The following DMXL1 variants were observed in gnomAD, a reference collection of about 807,000 sequenced individuals.
DMXL1 encodes dmX-like protein 1.
DMXL1 carries 99 observed loss-of-function variants against 319.2 expected under a neutral mutation model. That is an observed-to-expected ratio of 0.31 (90% CI 0.26 to 0.37). The LOEUF (loss-of-function observed/expected upper bound fraction) is 0.37, where lower values mean the gene tolerates loss of function less well. Among genes scored for constraint, DMXL1 ranks in the 10% least tolerant of loss-of-function variants. The pLI is 1.00. For synonymous variants in DMXL1, 1,385 were observed against 1,235.2 expected, an observed-to-expected ratio of 1.12 and a Z score of -2.54; for missense variants, 3,745 against 3,595.6, an observed-to-expected ratio of 1.04 and a Z score of -1.06.
chr5:119,216,313 G>T (rs1237189262), intron 34 of DMXL1, among the ~76,000 whole-genome samples: 2 of 151,926 alleles, frequency 1.3e-5, no homozygotes, highest in East Asian at 3.9e-4. Flanking sequence ...TTAGAATGGT[G>T]GTTTATTTAG....
intron 14 of DMXL1, 32 bp downstream of exon 14, chr5:119,143,962 A>T (rs1767975094): frequency 4.4e-6 from 6 of 1,354,886 alleles, no homozygotes; most frequent in Non-Finnish European, 6.1e-6. Context: ...GAGGTATATT[A>T]AAAAAAAGTT....
intron 38 of DMXL1, among the ~76,000 whole-genome samples, chr5:119,233,081 C>T (rs989971799): frequency 6.6e-6 from 1 of 151,764 alleles, no homozygotes; most frequent in Admixed American, 6.6e-5. Flanking sequence ...ATTGAGATAA[C>T]TTTAAAGGGA....
chr5:119,108,333 C>T (rs1216350833), intron 4 of DMXL1, among the ~76,000 whole-genome samples: 1 of 152,208 alleles, frequency 6.6e-6, no homozygotes, highest in African/African-American at 2.4e-5. Flanking sequence ...GCACGGCCTT[C>T]TACTTAATTC....
At chr5:119,179,565 G>A (rs1776437767) in intron 28 of DMXL1, among the ~76,000 whole-genome samples, 1 of 152,080 alleles carries the variant, frequency 6.6e-6, no homozygotes, top group African/African-American at 2.4e-5. Context: ...CATGATTGAT[G>A]AATATTCTTT....
Position 119,121,015 on chromosome 5 carries a change from T to G in DMXL1, c.978T>G (p.Ala326=), listed in dbSNP as rs370712280. 1 of 1,613,430 alleles carries G rather than the reference T, an allele frequency of 6.2e-7. No homozygotes were observed. The highest frequency in any genetic ancestry group is 1.3e-5 in the African/African-American group (1 of 74,898). The change falls in exon 9 of 44, where the codon GCT becomes GCG. Residue 326 remains alanine, a synonymous_variant. Coordinates refer to ENST00000539542, the MANE Select transcript of DMXL1 (RefSeq NM_001290321.3). ...GTAGAGGTCGGAGGAGATCACTTGC[T>G]CTTGTAGCACATACGGGATATCTAC... is the stretch of plus-strand genomic sequence containing the variant. ...HFRRGRRRSL[A]LVAHTGYLPH... is the part of the protein sequence containing the mutation.
At chr5:119,105,684 T>C (rs1279056300) in intron 4 of DMXL1, among the ~76,000 whole-genome samples, 2 of 151,878 alleles carry the variant, frequency 1.3e-5, no homozygotes, top group African/African-American at 4.8e-5. Flanking sequence ...TCACCTGAGG[T>C]TGGGAGTTCA....
At chr5:119,204,120 C>T (rs1207714954) in intron 33 of DMXL1, among the ~76,000 whole-genome samples, 3 of 151,934 alleles carry the variant, frequency 2.0e-5, no homozygotes, top group African/African-American at 7.3e-5. Context: ...CCACGCCCGG[C>T]CTGAAAAATT....
chr5:119,118,879 A>G lies in DMXL1; in HGVS notation c.808A>G (p.Thr270Ala). The G allele has an allele frequency of 6.2e-7, 1 of 1,613,926 alleles. No homozygotes were observed. Among genetic ancestry groups the G allele is most frequent in the East Asian group, 2.2e-5 (1 of 44,850 alleles). Residue 270 changes from threonine to alanine, a missense_variant, in exon 8 of 44, where the codon ACA (threonine) becomes GCA (alanine). Thr to Ala is a moderately conservative substitution (Grantham distance 58). Transcript: ENST00000539542. Reference sequence around the variant, plus strand: ...TAATGTGTGTCGTCTTTGGGTAGAGACATTTTTACCAAATGATTGTTTGCT... The same window carrying G: ...TAATGTGTGTCGTCTTTGGGTAGAGGCATTTTTACCAAATGATTGTTTGCT... ...KDNVCRLWVE[T>A]FLPNDCLLYG...
At chr5:119,240,547 G>A in intron 42 of DMXL1, 76 bp downstream of exon 42, 3 of 1,060,586 alleles carry the variant, frequency 2.8e-6, no homozygotes, top group Non-Finnish European at 1.4e-6. Context: ...AAGTGGATTT[G>A]TTACTGATGA....
At chr5:119,175,362 A>C (rs1775596949) in intron 26 of DMXL1, 25 bp downstream of exon 26, 2 of 1,539,882 alleles carry the variant, frequency 1.3e-6, no homozygotes, top group African/African-American at 2.7e-5. Flanking sequence ...ATGAAATTTA[A>C]GAATGCTTAC....
intron 40 of DMXL1, among the ~76,000 whole-genome samples, chr5:119,238,030 A>C (rs900621589): frequency 9.2e-5 from 14 of 152,140 alleles, no homozygotes; most frequent in Admixed American, 5.9e-4. Flanking sequence ...TACTGATCTA[A>C]GTAAAAGCAA....
At chr5:119,150,696 G>A (rs1769584518) in intron 18 of DMXL1, among the ~76,000 whole-genome samples, 1 of 151,830 alleles carries the variant, frequency 6.6e-6, no homozygotes, top group African/African-American at 2.4e-5. Context: ...GGAGGCTGAG[G>A]TGGGATGATG....
At chr5:119,143,021 A>C (rs1222085533) in intron 13 of DMXL1, among the ~76,000 whole-genome samples, 2 of 152,094 alleles carry the variant, frequency 1.3e-5, no homozygotes, top group Non-Finnish European at 2.9e-5. Flanking sequence ...TGGGAGCTAA[A>C]TAATGAGAAC....
chr5:119,118,302 A>T (rs888206570), intron 7 of DMXL1, among the ~76,000 whole-genome samples: 1 of 152,222 alleles, frequency 6.6e-6, no homozygotes, highest in Non-Finnish European at 1.5e-5. Flanking sequence ...AGGTGCCTTT[A>T]TAGGAAGTAG....
chr5:119,127,289 C>G (rs1361992327), intron 9 of DMXL1: 14 of 222,372 alleles, frequency 6.3e-5, no homozygotes, highest in Non-Finnish European at 9.5e-5. Context: ...GACTCTCTTG[C>G]CATTAACTTC....
rs778747389 is a variant in DMXL1, at chr5:119,150,033, T to A, written c.4206T>A (p.Ser1402=). 31 of 1,613,868 alleles carry A rather than the reference T, an allele frequency of 1.9e-5. No individual in the cohort carries two copies. In the Admixed American group the frequency reaches 4.7e-4, roughly 24 times the overall value. Residue 1402 remains serine, a synonymous_variant, in exon 18 of 44, where the codon TCT becomes TCA. Coordinates refer to ENST00000539542, the MANE Select transcript of DMXL1 (RefSeq NM_001290321.3). ...AENTDYTEID[S]VPPLPLYALL... is the part of the protein sequence containing the mutation. ...ATACAGATTACACAGAAATAGATTC[T>A]GTTCCTCCACTTCCTTTATATGCCT...
intron 2 of DMXL1, among the ~76,000 whole-genome samples, chr5:119,100,288 T>G (rs1280852787): frequency 1.3e-5 from 2 of 151,668 alleles, no homozygotes; most frequent in African/African-American, 4.8e-5. Flanking sequence ...AAAAAAACAT[T>G]AGCTGGGCGT....
Position 119,167,851 on chromosome 5 carries a change from CAGAG to C in DMXL1, c.5389_5392del (p.Glu1797MetfsTer20), listed in dbSNP as rs1561778445. 1.2e-6 allele frequency: 2 copies of C among 1,611,582 alleles called. No homozygotes were observed. Among genetic ancestry groups the C allele is most frequent in the Non-Finnish European group, 8.5e-7 (1 of 1,179,288 alleles). On this transcript the variant is annotated frameshift_variant, in exon 23 of 44. Transcript: ENST00000539542. LOFTEE classifies it high-confidence loss of function. ...TGGAAACATTAATAAAGCAACCTAT[CAGAG>C]AGAATGATGGTAAGCTGCACTTCTA...
intron 32 of DMXL1, among the ~76,000 whole-genome samples, chr5:119,202,487 G>C (rs1220175672): frequency 6.6e-6 from 1 of 152,112 alleles, no homozygotes; most frequent in Non-Finnish European, 1.5e-5. Context: ...AATTTTTTGA[G>C]TACCAACATG....
Sources: allele counts gnomAD v4.1 joint callset (sites outside exome capture counted in the v4.1 genomes callset), GRCh38; gene constraint gnomAD v4.1.1; transcripts MANE v1.5; gene names NCBI Gene and HGNC (gene_info 2026-07-23, HGNC 2026-07-21).